Variants in EPYC observed in about 807,000 individuals in gnomAD.
EPYC encodes the protein epiphycan, also known as dermatan sulfate proteoglycan 3.
EPYC carries 28 observed loss-of-function variants against 30.1 expected under a neutral mutation model. That is an observed-to-expected ratio of 0.93 (90% CI 0.69 to 1.28). The LOEUF is 1.28. Ranked by LOEUF, EPYC falls within the 50% of genes most tolerant of loss-of-function variation. The pLI is 0.00. For missense variants in EPYC, 382 were observed against 383.5 expected (o/e 1.00, Z 0.03); for synonymous variants, 144 against 141.4 (o/e 1.02, Z -0.13).
intron 2 of EPYC, among the ~76,000 whole-genome samples, chr12:90,998,463 T>C (rs1388116869): frequency 6.6e-6 from 1 of 152,132 alleles, no homozygotes; most frequent in East Asian, 1.9e-4. Flanking sequence ...TTTGAAATTA[T>C]ATTACTGAAT....
chr12:90,979,748 A>C (rs925437896), intron 2 of EPYC, among the ~76,000 whole-genome samples: 1 of 152,088 alleles, frequency 6.6e-6, no homozygotes, highest in African/African-American at 2.4e-5. Context: ...CATGTCTTTT[A>C]TCTGTGTACC....
intron 2 of EPYC, among the ~76,000 whole-genome samples, chr12:90,999,805 T>G (rs1877781133): frequency 6.6e-6 from 1 of 152,070 alleles, no homozygotes; most frequent in African/African-American, 2.4e-5. Flanking sequence ...TGTGTGCTGT[T>G]TTTTTTGCTT....
At chr12:90,995,504 T>C (rs1047432684) in intron 2 of EPYC, among the ~76,000 whole-genome samples, 4 of 151,982 alleles carry the variant, frequency 2.6e-5, no homozygotes, top group Non-Finnish European at 5.9e-5. Context: ...CTCTCTCCTT[T>C]AGCATTAAAA....
At chr12:90,973,010 G>T in intron 3 of EPYC, 30 bp from the exon 4 acceptor site, 1 of 1,453,398 alleles carries the variant, frequency 6.9e-7, no homozygotes, top group East Asian at 2.4e-5. Context: ...AAAATTAAAT[G>T]TAAGTACCAA....
At chr12:90,978,560 C>G (rs1437284550) in intron 2 of EPYC, among the ~76,000 whole-genome samples, 1 of 151,216 alleles carries the variant, frequency 6.6e-6, no homozygotes, top group Non-Finnish European at 1.5e-5. Flanking sequence ...AAAAAAAGCT[C>G]ATTTATTGTT....
intron 3 of EPYC, among the ~76,000 whole-genome samples, chr12:90,977,133 AGTTTTGTGTCTACAGAACTT>A (rs748696371): frequency 4.8e-4 from 73 of 152,132 alleles, no homozygotes; most frequent in Non-Finnish European, 8.2e-4. Flanking sequence ...TTTGAAACTA[AGTTTTGTGTCTACAGAACTT>A]GGAATACAGA....
chr12:90,992,642 C>T (rs1213156596), intron 2 of EPYC, among the ~76,000 whole-genome samples: 1 of 152,150 alleles, frequency 6.6e-6, no homozygotes, highest in Middle Eastern at 3.2e-3. Context: ...ATGACTGATT[C>T]TGCCACCATT....
intron 1 of EPYC, among the ~76,000 whole-genome samples, chr12:91,004,434 T>C (rs1212043304): frequency 1.3e-5 from 2 of 152,114 alleles, no homozygotes; most frequent in African/African-American, 2.4e-5. Context: ...AGTTTCTTAA[T>C]TAACACTTTA....
Position 90,971,912 on chromosome 12 carries a change from A to G in EPYC, c.590T>C (p.Val197Ala), listed in dbSNP as rs753418057. Reference sequence around the variant, plus strand: ...CTGCCTTATTTTGTTGTCACGCAGGACAAGCTCTCGAAGTTGAGGCAGTTT... The same window carrying G: ...CTGCCTTATTTTGTTGTCACGCAGGGCAAGCTCTCGAAGTTGAGGCAGTTT... ...FRKLPQLREL[V>A]LRDNKIRQLP... Residue 197 changes from valine to alanine, a missense_variant, in exon 5 of 7, where the codon GTC (valine) becomes GCC (alanine). By Grantham distance (64) the Val-to-Ala change is moderately conservative (BLOSUM62 0). Transcript: ENST00000261172. 2 of 1,612,316 alleles carry G rather than the reference A, an allele frequency of 1.2e-6. No individual in the cohort carries two copies. Among genetic ancestry groups the G allele is most frequent in the Admixed American group, 3.4e-5 (2 of 59,650 alleles).
chr12:90,974,314 T>A (rs1425365813), intron 3 of EPYC, among the ~76,000 whole-genome samples: 2 of 152,068 alleles, frequency 1.3e-5, no homozygotes, highest in Non-Finnish European at 2.9e-5. Context: ...ATTGCAGTGG[T>A]TATCAGAGCA....
rs1876999736 is a variant in EPYC at position 90,970,093 on chromosome 12, T to C, written c.749A>G (p.Asp250Gly). Residue 250 changes from aspartate to glycine, a missense_variant, in exon 6 of 7, where the codon GAC becomes GGC. Coordinates refer to ENST00000261172, the MANE Select transcript of EPYC (RefSeq NM_004950.5). ...HHLYLTDNNL[D>G]HIPLPLPENL... ...TTCTGGGAGTGGCAGAGGGATGTGGTCCAAGTTGTTATCAGTGAGGTACAG... is the reference window on the plus strand; with the variant it reads ...TTCTGGGAGTGGCAGAGGGATGTGGCCCAAGTTGTTATCAGTGAGGTACAG... 1 of 1,613,996 alleles carries C rather than the reference T, an allele frequency of 6.2e-7. No individual in the cohort carries two copies.
intron 2 of EPYC, among the ~76,000 whole-genome samples, chr12:90,989,936 A>G (rs1016476172): frequency 1.3e-5 from 2 of 152,080 alleles, no homozygotes; most frequent in Admixed American, 6.6e-5. Flanking sequence ...CAAACACTTT[A>G]GACACATTAT....
At chr12:90,971,049 T>A (rs1227451093) in intron 5 of EPYC, among the ~76,000 whole-genome samples, 1 of 152,188 alleles carries the variant, frequency 6.6e-6, no homozygotes, top group Non-Finnish European at 1.5e-5. Flanking sequence ...ACTGAATCCA[T>A]CCTCTTTATA....
intron 2 of EPYC, among the ~76,000 whole-genome samples, chr12:90,992,810 T>C (rs150069907): frequency 0.028 from 4,235 of 152,292 alleles, 87 homozygotes; most frequent in Non-Finnish European, 0.041. Flanking sequence ...CCGTAGAGTT[T>C]CTGATTCCCT....
At chr12:90,969,105 A>C (rs1876971175) in intron 6 of EPYC, among the ~76,000 whole-genome samples, 3 of 151,692 alleles carry the variant, frequency 2.0e-5, no homozygotes, top group Non-Finnish European at 4.4e-5. Context: ...TAATAGGAAA[A>C]AAAGAAAAGG....
At chr12:90,990,978 A>T (rs556259963) in intron 2 of EPYC, among the ~76,000 whole-genome samples, 2 of 152,232 alleles carry the variant, frequency 1.3e-5, no homozygotes, top group African/African-American at 4.8e-5. Flanking sequence ...AAACTATTTT[A>T]TCTTAAATGG....
chr12:90,976,875 GCTCT>G (rs1877197052), intron 3 of EPYC, among the ~76,000 whole-genome samples: 1 of 151,928 alleles, frequency 6.6e-6, no homozygotes, highest in Non-Finnish European at 1.5e-5. Flanking sequence ...CTTTCACTTG[GCTCT>G]CTTTCTCTCT....
At chr12:90,973,673 C>T (rs1789353698) in intron 3 of EPYC, among the ~76,000 whole-genome samples, 1 of 152,064 alleles carries the variant, frequency 6.6e-6, no homozygotes, top group Admixed American at 6.6e-5. Flanking sequence ...GAATGGTATG[C>T]CAGGCAGAGG....
intron 2 of EPYC, among the ~76,000 whole-genome samples, chr12:90,997,015 C>T (rs571395451): frequency 6.6e-6 from 1 of 151,886 alleles, no homozygotes. Context: ...AGCAGGCAAG[C>T]CATAATGACA....
Sources: allele counts gnomAD v4.1 joint callset (sites outside exome capture counted in the v4.1 genomes callset), GRCh38; gene constraint gnomAD v4.1.1; transcripts MANE v1.5; gene names NCBI Gene and HGNC (gene_info 2026-07-23, HGNC 2026-07-21).